Variants in NUP160 observed in about 807,000 individuals in gnomAD.
The protein encoded by NUP160 is nuclear pore complex protein Nup160.
Under a neutral mutation model 196.9 loss-of-function variants are expected in NUP160, and 94 were observed. The observed-to-expected ratio is 0.48, with a 90% CI of 0.40 to 0.57. The LOEUF (loss-of-function observed/expected upper bound fraction) is 0.57. NUP160 is among the 20% of genes least tolerant of loss of function. The pLI is 0.00. For synonymous variants in NUP160, 605 were observed against 619.7 expected, an observed-to-expected ratio of 0.98 and a Z score of 0.35; for missense variants, 1,638 against 1,748.3, an observed-to-expected ratio of 0.94 and a Z score of 1.13.
At position 47,784,976 on chromosome 11, in the gene NUP160, G is replaced by A. The variant is rs1368111238; in HGVS notation, c.3936C>T (p.Asn1312=). 9 of 1,604,624 alleles carry A rather than the reference G, an allele frequency of 5.6e-6. No homozygotes were observed. The South Asian group carries it at 1.0e-4, about 18-fold the overall frequency. The change falls in exon 33 of 36, where the codon AAC becomes AAT. Residue 1312 remains asparagine, a synonymous_variant. Transcript: ENST00000378460. ...GAGGCACTCCATGAGACAAGAGCTT[G>A]TTGATTACACAGTGGTGATACAAGT...
intron 29 of NUP160, among the ~76,000 whole-genome samples, chr11:47,789,066 G>A (rs958388889): frequency 3.3e-5 from 5 of 151,900 alleles, no homozygotes; most frequent in African/African-American, 4.8e-5. Flanking sequence ...TAGTAGACAC[G>A]GGGTTTTACC....
intron 14 of NUP160, 92 bp from the exon 15 acceptor site, chr11:47,813,139 GA>G: frequency 1.9e-6 from 2 of 1,072,348 alleles, no homozygotes. Context: ...TAAATGACAA[GA>G]AATCTATCTG....
At chr11:47,843,192 A>G (rs562542094) in intron 2 of NUP160, among the ~76,000 whole-genome samples, 2 of 152,150 alleles carry the variant, frequency 1.3e-5, no homozygotes, top group African/African-American at 4.8e-5. Context: ...CTTCCCTTAT[A>G]GCAATACACC....
At chr11:47,818,183 CA>C in intron 10 of NUP160, 59 bp from the exon 11 acceptor site, 1 of 1,095,908 alleles carries the variant, frequency 9.1e-7, no homozygotes, top group South Asian at 1.3e-5. Flanking sequence ...GAATTCAACA[CA>C]TAACACCAAA....
intron 7 of NUP160, chr11:47,827,007 A>C (rs552690412): frequency 1.5e-4 from 70 of 456,096 alleles, no homozygotes; most frequent in African/African-American, 1.3e-3. Context: ...ACACCCTTTC[A>C]AGAGAAAACC....
intron 22 of NUP160, among the ~76,000 whole-genome samples, chr11:47,802,862 A>C (rs1436532940): frequency 2.0e-5 from 3 of 151,802 alleles, no homozygotes; most frequent in African/African-American, 7.3e-5. Context: ...GTAGCCTCCA[A>C]GTACCTCAGC....
intron 33 of NUP160, 98 bp downstream of exon 33, chr11:47,784,824 G>T: frequency 2.1e-6 from 2 of 931,094 alleles, no homozygotes; most frequent in Non-Finnish European, 3.1e-6. Context: ...TGACAGGTAT[G>T]AGCCACTGCA....
intron 2 of NUP160, 69 bp from the exon 3 acceptor site, chr11:47,840,657 G>GAGA: frequency 4.7e-6 from 6 of 1,273,288 alleles, no homozygotes; most frequent in Non-Finnish European, 6.6e-6. Flanking sequence ...TGAAATATAT[G>GAGA]AGAACAGTGT....
chr11:47,811,696 A>T (rs931731774), intron 17 of NUP160, among the ~76,000 whole-genome samples: 3 of 152,064 alleles, frequency 2.0e-5, no homozygotes, highest in Admixed American at 6.6e-5. Flanking sequence ...GTTAAGTTCC[A>T]GGGTACATGG....
chr11:47,848,395 G>C, exon 1 of NUP160: 1 of 1,598,548 alleles, frequency 6.3e-7, no homozygotes, highest in Non-Finnish European at 8.5e-7. Context: ...GGGTGGGGCG[G>C]GCGGAGCTGC....
intron 20 of NUP160, among the ~76,000 whole-genome samples, chr11:47,804,945 T>A (rs1310193784): frequency 1.3e-5 from 2 of 152,144 alleles, no homozygotes; most frequent in Non-Finnish European, 2.9e-5. Context: ...AAGACCAGCC[T>A]GGGCAACACA....
chr11:47,840,894 T>C (rs1852282488), intron 2 of NUP160, among the ~76,000 whole-genome samples: 1 of 152,186 alleles, frequency 6.6e-6, no homozygotes, highest in Admixed American at 6.5e-5. Context: ...CCCCGGCCAT[T>C]GCTTGTAGTG....
At chr11:47,819,411 T>G in exon 10 of NUP160, 1 of 1,613,686 alleles carries the variant, frequency 6.2e-7, no homozygotes, top group Non-Finnish European at 8.5e-7. Context: ...AATCTCTTCC[T>G]CTGGCAGAGG....
At chr11:47,806,837 AC>A (rs2097677978) in intron 19 of NUP160, among the ~76,000 whole-genome samples, 1 of 150,112 alleles carries the variant, frequency 6.7e-6, no homozygotes, top group East Asian at 2.0e-4. Context: ...ACACACACAC[AC>A]ACACACACAC....
chr11:47,796,983 G>A (rs2097671238), intron 27 of NUP160, among the ~76,000 whole-genome samples: 1 of 151,984 alleles, frequency 6.6e-6, no homozygotes, highest in Non-Finnish European at 1.5e-5. Flanking sequence ...GTGGGCCACC[G>A]CGCCCAACCC....
At chr11:47,789,114 T>A in intron 29 of NUP160, among the ~76,000 whole-genome samples, 1 of 152,158 alleles carries the variant, frequency 6.6e-6, no homozygotes, top group South Asian at 2.1e-4. Context: ...TGACCTCAGG[T>A]GATCCAGCCA....
chr11:47,801,811 C>T (rs777201404), exon 23 of NUP160: 10 of 1,613,644 alleles, frequency 6.2e-6, no homozygotes, highest in East Asian at 4.5e-5. Context: ...CATGATGTAC[C>T]TTGTCATAAT....
intron 35 of NUP160, among the ~76,000 whole-genome samples, chr11:47,780,042 A>G (rs1410422782): frequency 1.3e-5 from 2 of 152,130 alleles, no homozygotes; most frequent in African/African-American, 4.8e-5. Flanking sequence ...TCATTGCTGT[A>G]TTTCAAGTAC....
Position 47,815,462 on chromosome 11 carries a change from T to G in NUP160, c.1686+17A>C, listed in dbSNP as rs751104718. 4.5e-6 allele frequency: 7 copies of G among 1,564,664 alleles called. No individual in the cohort carries two copies. In the East Asian group the frequency reaches 6.9e-5, roughly 15 times the overall value. On this transcript the variant is annotated intron_variant, in intron 13 of 35. Coordinates refer to ENST00000378460, the Ensembl canonical transcript of NUP160. ...AACTGTCTCAAGAAGGTCTTCTCTA[T>G]GCTTTAGCTCACTTACTTTTTTCAG...
Sources: allele counts gnomAD v4.1 joint callset (sites outside exome capture counted in the v4.1 genomes callset), GRCh38; gene constraint gnomAD v4.1.1; transcripts MANE v1.5; gene names NCBI Gene and HGNC (gene_info 2026-07-23, HGNC 2026-07-21).